The following EZH2 variants were observed in gnomAD, a reference collection of about 807,000 sequenced individuals.
EZH2 encodes histone-lysine N-methyltransferase EZH2.
A neutral mutation model predicts 98.4 loss-of-function variants in EZH2; 18 were observed. That is an observed-to-expected ratio of 0.18 (90% CI 0.13 to 0.27). EZH2 has a LOEUF of 0.27. EZH2 is among the 10% of genes least tolerant of loss of function. The probability of loss-of-function intolerance (pLI) is 1.00; values close to 1 mark genes in which losing one functional copy is unlikely to be tolerated. For synonymous variants in EZH2, 338 were observed against 312.3 expected, an observed-to-expected ratio of 1.08 and a Z score of -0.87; for missense variants, 470 against 935.1, an observed-to-expected ratio of 0.50 and a Z score of 6.49.
At chr7:148,868,756 T>C (rs1818904635) in intron 1 of EZH2, among the ~76,000 whole-genome samples, 1 of 152,334 alleles carries the variant, frequency 6.6e-6, no homozygotes. Context: ...TAGTATAGAA[T>C]GTCTCTTTCT....
intron 1 of EZH2, among the ~76,000 whole-genome samples, chr7:148,883,904 C>G (rs1343938772): frequency 3.3e-5 from 5 of 151,814 alleles, no homozygotes; most frequent in African/African-American, 1.2e-4. Flanking sequence ...ACGCCCCCCG[C>G]CCCGCAGCTC....
rs1273145830 is a variant in EZH2 at position 148,839,062 on chromosome 7, A to AAGG, written c.247-6315_247-6313dup. 2.0e-3 allele frequency among the ~76,000 whole-genome samples: 259 copies of AAGG among 128,100 alleles called. 2 individuals carry two copies. Among genetic ancestry groups the AAGG allele is most frequent in the African/African-American group, 7.4e-3 (244 of 33,048 alleles). 84.0% of individuals were successfully genotyped at this position (128,100 alleles called of 152,430 possible). A position where few individuals can be genotyped will look rare whatever the true frequency, so the allele number is the denominator to read the frequency against. ...GCAAAACTCTGTCAAATAAGGAAGGAAGGAAGGAAGGAAGGAAGGAAGGAA... is the reference window on the plus strand; with the variant it reads ...GCAAAACTCTGTCAAATAAGGAAGGAAGGAGGAAGGAAGGAAGGAAGGAAGGAA... On this transcript the variant is annotated intron_variant, in intron 3 of 19. Coordinates refer to ENST00000320356, the MANE Select transcript of EZH2 (RefSeq NM_004456.5).
intron 14 of EZH2, among the ~76,000 whole-genome samples, 169 bp from the exon 15 acceptor site, chr7:148,814,306 G>A (rs1803962865): frequency 6.6e-6 from 1 of 152,060 alleles, no homozygotes; most frequent in Admixed American, 6.6e-5. Context: ...CGAAGTTATA[G>A]CTGTTTGCAC....
rs1365531563 is a variant in EZH2 at position 148,815,555 on chromosome 7, ACAC to A, written c.1506-12_1506-10del. The A allele has an allele frequency of 6.2e-7, 1 of 1,614,134 alleles. No homozygotes were observed. The highest frequency in any genetic ancestry group is 8.5e-7 in the Non-Finnish European group (1 of 1,179,940). ...AGTGTGCAGCCCACAACCTGCAAAAACACAAAGAAAATTAAACCAAATTTCTGC... is the reference window on the plus strand; with the variant it reads ...AGTGTGCAGCCCACAACCTGCAAAAAAAAGAAAATTAAACCAAATTTCTGC... On this transcript the variant is annotated splice_polypyrimidine_tract_variant and intron_variant, in intron 12 of 19. Coordinates refer to ENST00000320356, the MANE Select transcript of EZH2 (RefSeq NM_004456.5).
At chr7:148,813,001 A>G (rs1803524309) in intron 15 of EZH2, among the ~76,000 whole-genome samples, 1 of 152,088 alleles carries the variant, frequency 6.6e-6, no homozygotes, top group East Asian at 1.9e-4. Context: ...TGTGTTCTCA[A>G]TTATAAATAA....
intron 1 of EZH2, among the ~76,000 whole-genome samples, chr7:148,873,646 T>G (rs766174978): frequency 1.0e-4 from 15 of 150,146 alleles, no homozygotes; most frequent in Admixed American, 8.7e-4. Context: ...CTTTAAAATT[T>G]TACAGTAATC....
Position 148,817,396 on chromosome 7 carries a change from A to G in EZH2, c.1241-5T>C, listed in dbSNP as rs1309977962. 6.2e-7 allele frequency: 1 copy of G among 1,612,128 alleles called. No homozygotes were observed. Among genetic ancestry groups the G allele is most frequent in the African/African-American group, 1.3e-5 (1 of 74,796 alleles). On this transcript the variant is annotated splice_region_variant and splice_polypyrimidine_tract_variant and intron_variant, in intron 10 of 19. Transcript: ENST00000320356. The stretch of plus-strand genomic sequence containing the variant: ...TTTGACACCGAGAATTTGCTTCTAC[A>G]AAACCAAATGTAAGCACTGGTCAAG...
rs775039041 is a variant in EZH2 at position 148,817,905 on chromosome 7, CTCTTCT to C, written c.1206_1211del (p.Glu403_Glu404del). 3 of 1,614,170 alleles carry C rather than the reference CTCTTCT, an allele frequency of 1.9e-6. No homozygotes were observed. Among genetic ancestry groups the C allele is most frequent in the Non-Finnish European group, 2.5e-6 (3 of 1,180,024 alleles). On this transcript the variant is annotated inframe_deletion, in exon 10 of 20. Transcript: ENST00000320356. ...AGGAGCTCGAAGTTTCATCTTTCTT[CTCTTCT>C]TCTTCTTTATCATTGTTCTCTCCCC...
In EZH2 at chr7:148,813,243, C is replaced by T. The variant is rs372203595; in HGVS notation, c.1851+716G>A. Among the ~76,000 whole-genome samples, 203 of 151,960 alleles carry T rather than the reference C, an allele frequency of 1.3e-3. 1 individual carries two copies. Among genetic ancestry groups the T allele is most frequent in the African/African-American group, 4.6e-3 (190 of 41,408 alleles). The stretch of plus-strand genomic sequence containing the variant: ...CAATGAACAAATCCACTAAAGCACT[C>T]ACAACAGTGCCTATTTTTACATGCT... On this transcript the variant is annotated intron_variant, in intron 15 of 19. Transcript: ENST00000320356.
Position 148,816,795 on chromosome 7 carries a change from TCA to T in EZH2, c.1411-19_1411-18del. 3 of 1,588,386 alleles carry T rather than the reference TCA, an allele frequency of 1.9e-6. No individual in the cohort carries two copies. Among genetic ancestry groups the T allele is most frequent in the Non-Finnish European group, 2.6e-6 (3 of 1,156,642 alleles). On this transcript the variant is annotated intron_variant, in intron 11 of 19. Transcript: ENST00000320356. Reference sequence around the variant, plus strand: ...CTCATACACCTGACAAGAGGCACAGTCACAGAGCCATGAGGACAGTCTTATTT... The same window carrying T: ...CTCATACACCTGACAAGAGGCACAGTCAGAGCCATGAGGACAGTCTTATTT...
At chr7:148,842,446 A>G (rs1015812189) in intron 3 of EZH2, among the ~76,000 whole-genome samples, 1 of 152,226 alleles carries the variant, frequency 6.6e-6, no homozygotes, top group African/African-American at 2.4e-5. Flanking sequence ...GACCTACAGA[A>G]CATAGTTATT....
chr7:148,881,196 G>A (rs1820906032), intron 1 of EZH2, among the ~76,000 whole-genome samples: 1 of 152,162 alleles, frequency 6.6e-6, no homozygotes, highest in Non-Finnish European at 1.5e-5. Flanking sequence ...ACATTATATT[G>A]GAGGATTTGT....
chr7:148,867,785 C>T (rs139575898), intron 1 of EZH2, among the ~76,000 whole-genome samples: 47 of 152,304 alleles, frequency 3.1e-4, no homozygotes, highest in African/African-American at 1.1e-3. Context: ...TTTGCTTATG[C>T]AAATGAGCAC....
chr7:148,881,574 A>G (rs1820961324), intron 1 of EZH2, among the ~76,000 whole-genome samples: 1 of 152,156 alleles, frequency 6.6e-6, no homozygotes, highest in African/African-American at 2.4e-5. Flanking sequence ...TGTTTTTCAA[A>G]ATATCTCATG....
rs1199184412 is a variant in EZH2 at position 148,847,111 on chromosome 7, T to A, written c.117+71A>T. On this transcript the variant is annotated intron_variant, in intron 2 of 19. Transcript: ENST00000320356. ...GGCTAGAATTATTTTAAATAAAAACTTATTGAACTTAGGAGGGGAAAAAAC... is the reference window on the plus strand; with the variant it reads ...GGCTAGAATTATTTTAAATAAAAACATATTGAACTTAGGAGGGGAAAAAAC... The A allele has an allele frequency of 2.0e-6, 3 of 1,515,448 alleles. No individual in the cohort carries two copies. The African/African-American group carries it at 4.2e-5, about 21-fold the overall frequency. 93.9% of individuals were successfully genotyped at this position (1,515,448 alleles called of 1,614,324 possible).
intron 8 of EZH2, among the ~76,000 whole-genome samples, chr7:148,825,578 A>G (rs1393358657): frequency 6.6e-6 from 1 of 152,226 alleles, no homozygotes; most frequent in Non-Finnish European, 1.5e-5. Context: ...GCAAGCTTAA[A>G]AAGACGTTAT....
At chr7:148,835,423 C>CAAA (rs545080861) in intron 3 of EZH2, among the ~76,000 whole-genome samples, 1 of 71,414 alleles carries the variant, frequency 1.4e-5, no homozygotes, top group Admixed American at 1.6e-4. Context: ...GACCCCGCCT[C>CAAA]AAAAAAAAAA....
chr7:148,807,813 TTAAA>T (rs1563182288), intron 19 of EZH2, 107 bp from the exon 20 acceptor site: 39 of 438,814 alleles, frequency 8.9e-5, no homozygotes, highest in South Asian at 1.7e-4. Context: ...TAAAATGTCT[TTAAA>T]AAAAAAAAAA....
At chr7:148,808,736 G>A (rs1006931123) in intron 19 of EZH2, among the ~76,000 whole-genome samples, 2 of 152,174 alleles carry the variant, frequency 1.3e-5, no homozygotes, top group Non-Finnish European at 2.9e-5. Flanking sequence ...CTATAGGACA[G>A]TGTGATCGCA....
Sources: gnomAD v4.1 joint callset for allele counts (sites outside exome capture counted in the v4.1 genomes callset) on GRCh38, gnomAD v4.1.1 for gene constraint, MANE v1.5 for transcripts, NCBI Gene and HGNC (gene_info 2026-07-23, HGNC 2026-07-21) for gene names.